MAML3: variants seen among roughly 807,000 people sequenced by gnomAD.
MAML3 encodes the protein mastermind like transcriptional coactivator 3.
Under a neutral mutation model 101.9 loss-of-function variants are expected in MAML3, and 27 were observed. That is an observed-to-expected ratio of 0.27 (90% CI 0.20 to 0.37). The LOEUF is 0.37. Among genes scored for constraint, MAML3 ranks in the 10% least tolerant of loss-of-function variants. The pLI is 1.00. For missense variants in MAML3, 1,316 were observed against 1,444.9 expected (o/e 0.91, Z 1.45); for synonymous variants, 501 against 555.9 (o/e 0.90, Z 1.39).
At chr4:139,767,658 C>T (rs543071568) in intron 2 of MAML3, among the ~76,000 whole-genome samples, 69 of 152,338 alleles carry the variant, frequency 4.5e-4, no homozygotes, top group African/African-American at 1.6e-3. Flanking sequence ...ACAGAAGAAT[C>T]CAAACTTTTA....
At chr4:140,019,294 G>T (rs1000807343) in intron 1 of MAML3, among the ~76,000 whole-genome samples, 1 of 152,160 alleles carries the variant, frequency 6.6e-6, no homozygotes, top group Non-Finnish European at 1.5e-5. Context: ...AGAAGCCTGA[G>T]TGAAGTATAC....
intron 1 of MAML3, among the ~76,000 whole-genome samples, chr4:139,951,352 C>G (rs1056064018): frequency 1.1e-4 from 16 of 152,234 alleles, no homozygotes; most frequent in African/African-American, 3.4e-4. Context: ...CAATGCACAC[C>G]AGCAAGGAAG....
intron 2 of MAML3, among the ~76,000 whole-genome samples, chr4:139,881,302 AGG>A (rs1463426183): frequency 6.6e-6 from 1 of 152,166 alleles, no homozygotes; most frequent in African/African-American, 2.4e-5. Context: ...ATATGAAAAC[AGG>A]GAGATTAAGT....
chr4:139,936,042 C>T (rs970914215), intron 1 of MAML3, among the ~76,000 whole-genome samples: 2 of 152,102 alleles, frequency 1.3e-5, no homozygotes, highest in Admixed American at 6.6e-5. Flanking sequence ...TCATTTTCCC[C>T]GCCTCCCAGC....
At chr4:140,037,313 G>C (rs940375590) in intron 1 of MAML3, among the ~76,000 whole-genome samples, 6 of 151,190 alleles carry the variant, frequency 4.0e-5, no homozygotes, top group African/African-American at 1.5e-4. Flanking sequence ...AAGTTCCTCA[G>C]GTTAGGTTTT....
At chr4:140,048,788 C>A (rs898620440) in intron 1 of MAML3, among the ~76,000 whole-genome samples, 1 of 152,152 alleles carries the variant, frequency 6.6e-6, no homozygotes, top group Non-Finnish European at 1.5e-5. Context: ...TATAAATATT[C>A]CCCTTCCCTT....
chr4:140,069,562 GGAGGAGGAGGGGA>G (rs1727606199), intron 1 of MAML3, among the ~76,000 whole-genome samples: 1 of 116,074 alleles, frequency 8.6e-6, no homozygotes, highest in African/African-American at 3.4e-5. Flanking sequence ...GAGGAGGGGA[GGAGGAGGAGGGGA>G]GGAGGAGGAG....
intron 2 of MAML3, among the ~76,000 whole-genome samples, chr4:139,767,551 C>T (rs979810720): frequency 6.6e-6 from 1 of 152,088 alleles, no homozygotes; most frequent in Non-Finnish European, 1.5e-5. Context: ...CTTACTATAC[C>T]AGGATTTGGT....
In MAML3 at chr4:139,720,051, C is replaced by T. The variant is rs1579355613; in HGVS notation, c.2689G>A (p.Ala897Thr). The change falls in exon 5 of 5, where the codon GCC becomes ACC. Residue 897 changes from alanine to threonine, a missense_variant. By Grantham distance (58) the Ala-to-Thr change is moderately conservative. Transcript: ENST00000509479. ...QSGMSITHNQ[A>T]QGPRQPASGQ... is the part of the protein sequence containing the mutation. ...GAGGCAGGTTGCCTCGGTCCCTGGG[C>T]TTGGTTATGTGTGATGCTCATGCCA... is the stretch of plus-strand genomic sequence containing the variant. 6.2e-7 allele frequency: 1 copy of T among 1,614,070 alleles called. No individual in the cohort carries two copies. Among genetic ancestry groups the T allele is most frequent in the Non-Finnish European group, 8.5e-7 (1 of 1,179,902 alleles).
At chr4:139,848,718 T>C (rs1342193939) in intron 2 of MAML3, among the ~76,000 whole-genome samples, 1 of 152,124 alleles carries the variant, frequency 6.6e-6, no homozygotes, top group Non-Finnish European at 1.5e-5. Context: ...AAGAAGAGAA[T>C]AGAGTAAGTT....
At chr4:139,800,969 T>C (rs1730593717) in intron 2 of MAML3, among the ~76,000 whole-genome samples, 1 of 152,230 alleles carries the variant, frequency 6.6e-6, no homozygotes, top group Non-Finnish European at 1.5e-5. Flanking sequence ...GATAATGAGC[T>C]CTATGCAGGT....
chr4:139,959,672 C>T (rs534608059), intron 1 of MAML3, among the ~76,000 whole-genome samples: 7 of 152,152 alleles, frequency 4.6e-5, no homozygotes, highest in Admixed American at 6.5e-5. Context: ...ATGGACTAAT[C>T]TGGGAAAACA....
chr4:139,890,532 T>C lies in MAML3; in HGVS notation c.904A>G (p.Ile302Val), dbSNP rs1560826871. 3 of 1,614,034 alleles carry C rather than the reference T, an allele frequency of 1.9e-6. No individual in the cohort carries two copies. Among genetic ancestry groups the C allele is most frequent in the Non-Finnish European group, 2.5e-6 (3 of 1,179,890 alleles). ...TGCCACTCCTGATCATTCAGATTAATGTCTGAGAACAGCTTGTTCTGATTT... is the reference window on the plus strand; with the variant it reads ...TGCCACTCCTGATCATTCAGATTAACGTCTGAGAACAGCTTGTTCTGATTT... ...LSNQNKLFSD[I>V]NLNDQEWQEL... Residue 302 changes from isoleucine (I) to valine (V), a missense_variant, in exon 2 of 5, where the codon ATT becomes GTT. By Grantham distance (29) the Ile-to-Val change is conservative (BLOSUM62 3). Transcript: ENST00000509479. The surrounding 1 kb of genome is among the most constrained non-coding windows in gnomAD (Gnocchi z 4.1).
chr4:139,844,252 A>G (rs111594673), intron 2 of MAML3, among the ~76,000 whole-genome samples: 6,398 of 152,324 alleles, frequency 0.042, 425 homozygotes, highest in African/African-American at 0.14. Context: ...CAGAGACAAC[A>G]TCTTATGCAA....
At chr4:139,915,605 C>T (rs1276700334) in intron 1 of MAML3, among the ~76,000 whole-genome samples, 2 of 152,204 alleles carry the variant, frequency 1.3e-5, no homozygotes, top group Non-Finnish European at 2.9e-5. Context: ...AGTTACCACA[C>T]TGCTTCATCT....
At chr4:139,756,453 C>T (rs1402497742) in intron 2 of MAML3, among the ~76,000 whole-genome samples, 2 of 152,162 alleles carry the variant, frequency 1.3e-5, no homozygotes, top group South Asian at 4.1e-4. Flanking sequence ...AGTTGTCTGT[C>T]AGCATTCTCA....
At chr4:140,065,421 T>C (rs1181631806) in intron 1 of MAML3, among the ~76,000 whole-genome samples, 1 of 152,194 alleles carries the variant, frequency 6.6e-6, no homozygotes, top group East Asian at 1.9e-4. Context: ...GTTTCTCATA[T>C]AAAACACAGC....
chr4:140,035,651 G>A lies in MAML3; in HGVS notation c.468+117209C>T, dbSNP rs146641643. On this transcript the variant is annotated intron_variant, in intron 1 of 4. Coordinates refer to ENST00000509479, the MANE Select transcript of MAML3 (RefSeq NM_018717.5). ...CTACTAAAAATACAAAAATTTAGCC[G>A]GGCGTGGTGGCACGCCAGCTACCCA... Among the ~76,000 whole-genome samples, 98 of 152,002 alleles carry A rather than the reference G, an allele frequency of 6.4e-4. No homozygotes were observed. The Middle Eastern group carries it at 0.017, about 27-fold the overall frequency.
At chr4:139,741,152 A>G (rs1056376353) in intron 2 of MAML3, among the ~76,000 whole-genome samples, 12 of 152,200 alleles carry the variant, frequency 7.9e-5, no homozygotes, top group Admixed American at 4.6e-4. Context: ...GACTTAGAGC[A>G]GGGAAAAACA....
Sources: gnomAD v4.1 joint callset for allele counts (sites outside exome capture counted in the v4.1 genomes callset) on GRCh38, gnomAD v4.1.1 for gene constraint, Gnocchi (gnomAD v3.1) non-coding constraint, MANE v1.5 for transcripts, NCBI Gene and HGNC (gene_info 2026-07-23, HGNC 2026-07-21) for gene names.